GPM6A: variants seen among roughly 807,000 people sequenced by gnomAD.
GPM6A encodes glycoprotein M6A, also known as neuronal membrane glycoprotein M6-a.
GPM6A carries 7 observed loss-of-function variants against 32.1 expected under a neutral mutation model. The observed-to-expected ratio is 0.22, with a 90% CI of 0.12 to 0.41. GPM6A has a LOEUF of 0.41. GPM6A is among the 10% of genes least tolerant of loss of function. The pLI, the probability that GPM6A is intolerant of heterozygous loss-of-function variation, is 1.00. For synonymous variants in GPM6A, 130 were observed against 123.4 expected (o/e 1.05, Z -0.35); for missense variants, 235 against 347.2 (o/e 0.68, Z 2.57).
At chr4:175,949,332 G>T (rs552280959) in intron 1 of GPM6A, among the ~76,000 whole-genome samples, 1 of 152,116 alleles carries the variant, frequency 6.6e-6, no homozygotes, top group South Asian at 2.1e-4. Context: ...GGTGGTGGTA[G>T]AGACAGGGTC....
At chr4:175,817,776 T>C (rs1439200318) in intron 1 of GPM6A, among the ~76,000 whole-genome samples, 13 of 152,244 alleles carry the variant, frequency 8.5e-5, no homozygotes, top group Admixed American at 8.5e-4. Flanking sequence ...TCTGGCTGCA[T>C]GGGCAGAAAC....
At chr4:175,737,300 G>A (rs941602959) in intron 1 of GPM6A, among the ~76,000 whole-genome samples, 5 of 152,012 alleles carry the variant, frequency 3.3e-5, no homozygotes, top group Admixed American at 1.3e-4. Flanking sequence ...AATCCTGTAC[G>A]CCTGTAATCC....
At chr4:175,657,652 T>C (rs1008141591) in intron 3 of GPM6A, among the ~76,000 whole-genome samples, 2 of 152,152 alleles carry the variant, frequency 1.3e-5, no homozygotes. Flanking sequence ...ATGAGCCAGA[T>C]ATCTAAATCC....
At chr4:175,662,537 T>G (rs1742487392) in intron 3 of GPM6A, among the ~76,000 whole-genome samples, 1 of 151,990 alleles carries the variant, frequency 6.6e-6, no homozygotes, top group Non-Finnish European at 1.5e-5. Flanking sequence ...GAGGCGGAGA[T>G]TGCAGTGAGC....
chr4:175,704,078 T>C (rs570817724), intron 1 of GPM6A, among the ~76,000 whole-genome samples: 39 of 152,306 alleles, frequency 2.6e-4, no homozygotes, highest in Middle Eastern at 3.4e-3. Context: ...TAGCAACATA[T>C]GAAGCATGTG....
At chr4:175,774,892 T>G (rs1733331533) in intron 1 of GPM6A, among the ~76,000 whole-genome samples, 1 of 151,972 alleles carries the variant, frequency 6.6e-6, no homozygotes, top group Non-Finnish European at 1.5e-5. Context: ...TCTTAAACAT[T>G]TTGTGTGTCC....
chr4:175,791,445 G>A (rs1339829417), intron 1 of GPM6A, among the ~76,000 whole-genome samples: 1 of 152,164 alleles, frequency 6.6e-6, no homozygotes, highest in African/African-American at 2.4e-5. Flanking sequence ...TCAACTGGTG[G>A]CAGTCACACA....
chr4:175,715,872 C>A (rs1220815735), intron 1 of GPM6A, among the ~76,000 whole-genome samples: 1 of 152,050 alleles, frequency 6.6e-6, no homozygotes, highest in African/African-American at 2.4e-5. Flanking sequence ...TTGAGACCAG[C>A]CTGACCAACA....
chr4:175,868,926 A>C (rs748159515), intron 1 of GPM6A, among the ~76,000 whole-genome samples: 7 of 152,184 alleles, frequency 4.6e-5, no homozygotes, highest in Admixed American at 2.0e-4. Flanking sequence ...ATGACTTACT[A>C]TTGTACAATT....
intron 1 of GPM6A, among the ~76,000 whole-genome samples, chr4:175,705,872 AT>A (rs1419922761): frequency 6.6e-6 from 1 of 152,156 alleles, no homozygotes; most frequent in African/African-American, 2.4e-5. Context: ...AACAGGAAAC[AT>A]TTTCAATACT....
intron 1 of GPM6A, among the ~76,000 whole-genome samples, chr4:175,935,423 ACCCAAAAATAGTAAAGAAGTCCTG>A: frequency 6.6e-6 from 1 of 152,188 alleles, no homozygotes. Context: ...AAAAGAAGTT[ACCCAAAAATAGTAAAGAAGTCCTG>A]CCCAGCTGAA....
intron 6 of GPM6A, among the ~76,000 whole-genome samples, chr4:175,637,272 T>C (rs1579324112): frequency 1.4e-5 from 1 of 71,240 alleles, no homozygotes; most frequent in Non-Finnish European, 2.6e-5. Flanking sequence ...ATATATTATA[T>C]ATTATATATT....
chr4:175,673,585 A>G (rs1235852233), intron 3 of GPM6A, 95 bp downstream of exon 3: 4 of 867,520 alleles, frequency 4.6e-6, no homozygotes, highest in Non-Finnish European at 6.9e-6. Flanking sequence ...ACTGTGTGAA[A>G]AAAAAATACT....
intron 1 of GPM6A, among the ~76,000 whole-genome samples, chr4:175,892,927 ACT>A: frequency 6.6e-6 from 1 of 152,236 alleles, no homozygotes. Context: ...CATGCCAGAC[ACT>A]CTGTTGATGT....
chr4:175,935,824 G>GTTGA (rs1739201379), intron 1 of GPM6A, among the ~76,000 whole-genome samples: 1 of 151,882 alleles, frequency 6.6e-6, no homozygotes, highest in African/African-American at 2.4e-5. Context: ...TCAAGAGTAA[G>GTTGA]TGTTCTAGAC....
At chr4:175,858,539 A>T (rs1736483961) in intron 1 of GPM6A, among the ~76,000 whole-genome samples, 2 of 148,724 alleles carry the variant, frequency 1.3e-5, no homozygotes, top group African/African-American at 4.9e-5. Context: ...TTCAAAAAAA[A>T]AAAAAAGAAA....
chr4:175,703,052 T>C (rs1376434802), intron 1 of GPM6A, among the ~76,000 whole-genome samples: 1 of 152,234 alleles, frequency 6.6e-6, no homozygotes, highest in Non-Finnish European at 1.5e-5. Context: ...GACAATAAGA[T>C]AATCTCTCAT....
chr4:175,923,856 A>C (rs1464967285), intron 1 of GPM6A, among the ~76,000 whole-genome samples: 3 of 151,968 alleles, frequency 2.0e-5, no homozygotes, highest in Non-Finnish European at 4.4e-5. Flanking sequence ...GCCCAATCTC[A>C]TCTTTCTGCT....
upstream of GPM6A, among the ~76,000 whole-genome samples, chr4:175,816,517 G>A (rs1487034556): frequency 7.9e-5 from 12 of 152,148 alleles, no homozygotes; most frequent in Admixed American, 7.9e-4. Context: ...CAAGTAAGGA[G>A]AGTTAACAGA....
Sources: gnomAD v4.1 joint callset for allele counts (sites outside exome capture counted in the v4.1 genomes callset) on GRCh38, gnomAD v4.1.1 for gene constraint, MANE v1.5 for transcripts, NCBI Gene and HGNC (gene_info 2026-07-23, HGNC 2026-07-21) for gene names.